RNASET2: variants seen among roughly 807,000 people sequenced by gnomAD.
The protein encoded by RNASET2 is ribonuclease 6.
In RNASET2, 28 loss-of-function variants were observed where a neutral mutation model predicts 33.9. The ratio of observed to expected loss-of-function variants is 0.83; its 90% confidence interval spans 0.61 to 1.13. The LOEUF (loss-of-function observed/expected upper bound fraction) is 1.13. RNASET2 is among the 50% of genes most tolerant of loss of function. RNASET2 has a pLI of 0.00. For missense variants in RNASET2, 330 were observed against 319.9 expected, an observed-to-expected ratio of 1.03 and a Z score of -0.24; for synonymous variants, 123 against 121.0, an observed-to-expected ratio of 1.02 and a Z score of -0.11.
At chr6:166,945,987 C>A (rs760700507) in intron 4 of RNASET2, among the ~76,000 whole-genome samples, 5 of 152,168 alleles carry the variant, frequency 3.3e-5, no homozygotes, top group Admixed American at 2.6e-4. Context: ...GTTACCACCC[C>A]CTCCCTGGGG....
Position 166,956,325 on chromosome 6 carries a change from G to A in RNASET2, c.-143C>T. 1.3e-6 allele frequency: 1 copy of A among 794,302 alleles called. No homozygotes were observed. Among genetic ancestry groups the A allele is most frequent in the South Asian group, 1.6e-5 (1 of 64,120 alleles). The allele number at this position is 794,302 out of a possible 1,614,324, so 49.2% of individuals were successfully genotyped here. A position where few individuals can be genotyped will look rare whatever the true frequency, so the allele number is the denominator to read the frequency against. On this transcript the variant is annotated 5_prime_UTR_variant, in exon 1 of 9. Transcript: ENST00000508775. The stretch of plus-strand genomic sequence containing the variant: ...CCCTCCGCTGCAGCAGCGGCCACCG[G>A]GTGCGCCCGGAGCCCTGGGACGGCC...
At chr6:166,949,354 A>G (rs1259689263) in intron 2 of RNASET2, among the ~76,000 whole-genome samples, 1 of 151,560 alleles carries the variant, frequency 6.6e-6, no homozygotes, top group African/African-American at 2.4e-5. Flanking sequence ...TACAAAAATT[A>G]GCCAGGTGTG....
In RNASET2 at chr6:166,929,594, C is replaced by A; in HGVS notation, c.765G>T (p.Lys255Asn). 1 of 1,614,116 alleles carries A rather than the reference C, an allele frequency of 6.2e-7. No individual in the cohort carries two copies. The highest frequency in any genetic ancestry group is 8.5e-7 in the Non-Finnish European group (1 of 1,179,956). ...PVFYPPPKKTKH is the reference protein window; with the variant it reads ...PVFYPPPKKTNH The stretch of plus-strand genomic sequence containing the variant: ...TATTTCCAAAACTTGGGCATCAATG[C>A]TTGGTCTTTTTAGGTGGGGGATAGA... The change falls in exon 9 of 9, where the codon AAG (lysine) becomes AAT (asparagine). Residue 255 changes from lysine (K) to asparagine (N), a missense_variant. By Grantham distance (94) the Lys-to-Asn change is moderately conservative (BLOSUM62 0). Transcript: ENST00000508775.
intron 6 of RNASET2, among the ~76,000 whole-genome samples, chr6:166,937,343 GC>G (rs1342715145): frequency 1.3e-5 from 2 of 152,072 alleles, no homozygotes; most frequent in Non-Finnish European, 2.9e-5. Flanking sequence ...CACCATGTTG[GC>G]CAAGCTGGTC....
chr6:166,955,676 C>A, intron 1 of RNASET2: 1 of 1,054,710 alleles, frequency 9.5e-7, no homozygotes, highest in Non-Finnish European at 1.1e-6. Flanking sequence ...GTACCCAGGA[C>A]CTCACCCTAC....
chr6:166,936,296 C>T (rs1372926002), intron 6 of RNASET2, among the ~76,000 whole-genome samples: 2 of 152,090 alleles, frequency 1.3e-5, no homozygotes, highest in Non-Finnish European at 2.9e-5. Context: ...CAGGGCAGCA[C>T]TGGGCTCTGC....
In RNASET2 at chr6:166,955,787, C is replaced by A; in HGVS notation, c.86+310G>T. 5.1e-6 allele frequency: 5 copies of A among 983,304 alleles called. No individual in the cohort carries two copies. The African/African-American group carries it at 5.3e-5, about 10-fold the overall frequency. The allele number at this position is 983,304 out of a possible 1,614,324, so 60.9% of individuals were successfully genotyped here. A position where few individuals can be genotyped will look rare whatever the true frequency, so the allele number is the denominator to read the frequency against. On this transcript the variant is annotated intron_variant, in intron 1 of 8. Coordinates refer to ENST00000508775, the MANE Select transcript of RNASET2 (RefSeq NM_003730.6). Reference sequence around the variant, plus strand: ...AGAGCGTGCCCAGGGCTCCCCCCAACCCACTCCTTCCCAGAGGTCACCCCG... The same window carrying A: ...AGAGCGTGCCCAGGGCTCCCCCCAAACCACTCCTTCCCAGAGGTCACCCCG...
chr6:166,929,772 A>G lies in RNASET2; in HGVS notation c.587T>C (p.Ile196Thr), dbSNP rs1360372731. 1.9e-6 allele frequency: 3 copies of G among 1,613,950 alleles called. No individual in the cohort carries two copies. The highest frequency in any genetic ancestry group is 2.5e-6 in the Non-Finnish European group (3 of 1,179,980). The change falls in exon 9 of 9, where the codon ATT becomes ACT. Residue 196 changes from isoleucine (I) to threonine (T), a missense_variant. By Grantham distance (89) the Ile-to-Thr change is moderately conservative. Transcript: ENST00000508775. ...PPSQDEEVQT[I>T]GQIELCLTKQ... ...AGTGAGGCACAGTTCTATCTGACCA[A>G]TTGTCTGTACTTCCTCATCCTAAAA...
rs984662991 is a variant in RNASET2, at chr6:166,924,628, C to G, written c.*4960G>C. On this transcript the variant is annotated 3_prime_UTR_variant, in exon 9 of 9. Transcript: ENST00000508775. ...TCCCTGGCCGCCTTCATAACTCTGA[C>G]CTCCTCCCTCCCTCCAACCTACCAG... Among the ~76,000 whole-genome samples the G allele has an allele frequency of 2.0e-5, 3 of 152,190 alleles. No individual in the cohort carries two copies. Among genetic ancestry groups the G allele is most frequent in the African/African-American group, 7.2e-5 (3 of 41,444 alleles).
intron 8 of RNASET2, among the ~76,000 whole-genome samples, chr6:166,930,407 T>C (rs1049123276): frequency 3.3e-5 from 5 of 152,132 alleles, no homozygotes; most frequent in Admixed American, 6.5e-5. Context: ...CATGTTCATA[T>C]GCACATTCAC....
intron 1 of RNASET2, among the ~76,000 whole-genome samples, chr6:166,955,298 GCGCACACACGACACACA>G (rs1189434362): frequency 1.6e-4 from 5 of 31,946 alleles, no homozygotes; most frequent in African/African-American, 7.3e-4. Context: ...ACGCACAGAC[GCGCACACACGACACACA>G]CGCACACACA....
rs554865736 is a variant in RNASET2 at position 166,922,113 on chromosome 6, T to A, written c.*7475A>T. On this transcript the variant is annotated 3_prime_UTR_variant, in exon 9 of 9. Coordinates refer to ENST00000508775, the MANE Select transcript of RNASET2 (RefSeq NM_003730.6). ...CAATGACTTGAGTCAATTAATTCTC[T>A]CTGTTTTTAAAGACAGCTTCCACTT... is the stretch of plus-strand genomic sequence containing the variant. 1.3e-5 allele frequency among the ~76,000 whole-genome samples: 2 copies of A among 152,352 alleles called. No homozygotes were observed. Among genetic ancestry groups the A allele is most frequent in the African/African-American group, 4.8e-5 (2 of 41,580 alleles).
At chr6:166,954,131 C>T (rs74841566) in intron 1 of RNASET2, among the ~76,000 whole-genome samples, 4,586 of 152,046 alleles carry the variant, frequency 0.03, 254 homozygotes, top group African/African-American at 0.11. Flanking sequence ...CAGATGCCCC[C>T]CTCCCCTATT....
chr6:166,952,734 C>CGT (rs1779016980), intron 1 of RNASET2, 186 bp from the exon 2 acceptor site: 4 of 603,126 alleles, frequency 6.6e-6, no homozygotes, highest in Non-Finnish European at 9.2e-6. Context: ...TAAGAAGGCA[C>CGT]GTGTGGTGGC....
Position 166,924,232 on chromosome 6 carries a change from C to T in RNASET2, c.*5356G>A, listed in dbSNP as rs562097845. On this transcript the variant is annotated 3_prime_UTR_variant, in exon 9 of 9. Transcript: ENST00000508775. ...TCTCCTGCCTCAGCCTCCCGAGTAG[C>T]TGGGACTACAGGTGCCCGCCACCAT... is the stretch of plus-strand genomic sequence containing the variant. Among the ~76,000 whole-genome samples, 1 of 152,298 alleles carries T rather than the reference C, an allele frequency of 6.6e-6. No individual in the cohort carries two copies. The highest frequency in any genetic ancestry group is 1.5e-5 in the Non-Finnish European group (1 of 68,020).
chr6:166,948,104 G>A (rs1778891900), intron 3 of RNASET2, among the ~76,000 whole-genome samples: 1 of 152,096 alleles, frequency 6.6e-6, no homozygotes, highest in South Asian at 2.1e-4. Flanking sequence ...CCAGCACTTT[G>A]GGAGGCCAAG....
chr6:166,955,142 C>T (rs1055028776), intron 1 of RNASET2, among the ~76,000 whole-genome samples: 3 of 151,924 alleles, frequency 2.0e-5, no homozygotes, highest in Non-Finnish European at 4.4e-5. Flanking sequence ...TTTGCAGCAC[C>T]GCCTGTTTAC....
At chr6:166,942,311 C>T (rs1778711553) in intron 5 of RNASET2, among the ~76,000 whole-genome samples, 1 of 152,186 alleles carries the variant, frequency 6.6e-6, no homozygotes, top group Admixed American at 6.5e-5. Flanking sequence ...CCTTGGCCTT[C>T]CAAAGTGCTG....
intron 6 of RNASET2, chr6:166,938,550 C>T (rs781693729): frequency 2.1e-5 from 12 of 560,608 alleles, no homozygotes; most frequent in South Asian, 4.2e-5. Context: ...TCTAAGGAAA[C>T]GACTTATTAA....
Sources: gnomAD v4.1 joint callset for allele counts (sites outside exome capture counted in the v4.1 genomes callset) on GRCh38, gnomAD v4.1.1 for gene constraint, MANE v1.5 for transcripts, NCBI Gene and HGNC (gene_info 2026-07-23, HGNC 2026-07-21) for gene names.